Variants in KRT86 observed in about 807,000 individuals in gnomAD.
KRT86 encodes the protein keratin 86, also known as keratin, type II cuticular Hb6.
Under a neutral mutation model 41.2 loss-of-function variants are expected in KRT86, and 30 were observed. The ratio of observed to expected loss-of-function variants is 0.73; its 90% CI spans 0.54 to 0.99. The LOEUF is 0.99. Among genes scored for constraint, KRT86 ranks in the 50% least tolerant of loss-of-function variants. The pLI is 0.00. For missense variants in KRT86, 561 were observed against 571.4 expected (o/e 0.98, Z 0.19); for synonymous variants, 238 against 238.1 (o/e 1.00, Z 0.00).
At chr12:52,293,435 T>G (rs147905248) in intron 2 of KRT86, among the ~76,000 whole-genome samples, 1 of 152,316 alleles carries the variant, frequency 6.6e-6, no homozygotes, top group East Asian at 1.9e-4. Context: ...TCCTAATCTT[T>G]GGATAAGTTC....
In KRT86 at chr12:52,308,824, G is replaced by T. The variant is rs1044474439; in HGVS notation, c.*239G>T. 1.8e-6 allele frequency: 1 copy of T among 567,490 alleles called. No individual in the cohort carries two copies. Among genetic ancestry groups the T allele is most frequent in the South Asian group, 2.1e-5 (1 of 47,434 alleles). 35.2% of individuals were successfully genotyped at this position (567,490 alleles called of 1,614,324 possible). The stretch of plus-strand genomic sequence containing the variant: ...TTCCTGGTAGTCAATTTGTTGTCCC[G>T]AGGATTCATCTTTTTCTTCCGCCTG... On this transcript the variant is annotated 3_prime_UTR_variant, in exon 11 of 11. Coordinates refer to ENST00000423955, the MANE Select transcript of KRT86 (RefSeq NM_001320198.2).
intron 9 of KRT86, 89 bp from the exon 10 acceptor site, chr12:52,308,144 T>C (rs1326081360): frequency 1.9e-6 from 3 of 1,569,986 alleles, no homozygotes; most frequent in African/African-American, 2.7e-5. Flanking sequence ...AGTGCCCAGA[T>C]GGAGGGCCAC....
intron 2 of KRT86, among the ~76,000 whole-genome samples, chr12:52,298,925 AC>A (rs143682703): frequency 0.014 from 2,193 of 152,252 alleles, 60 homozygotes; most frequent in African/African-American, 0.049. Context: ...AATATCCATC[AC>A]CTCAAACATT....
Position 52,302,046 on chromosome 12 carries a change from G to C in KRT86, c.130G>C (p.Gly44Arg). The C allele has an allele frequency of 6.2e-7, 1 of 1,607,844 alleles. No individual in the cohort carries two copies. Among genetic ancestry groups the C allele is most frequent in the Non-Finnish European group, 8.5e-7 (1 of 1,177,786 alleles). ...CTCCTGCTACCGCGGCCTCACCGGG[G>C]GCTTCGGCAGCCACAGCGTGTGCGG... ...GISCYRGLTGGFGSHSVCGGF... is the reference protein window; with the variant it reads ...GISCYRGLTGRFGSHSVCGGF... The change falls in exon 3 of 11, where the codon GGC (glycine) becomes CGC (arginine). Residue 44 changes from glycine to arginine, a missense_variant. By Grantham distance (125) the Gly-to-Arg change is moderately radical. Coordinates refer to ENST00000423955, the MANE Select transcript of KRT86 (RefSeq NM_001320198.2).
At chr12:52,286,585 T>C (rs1937945436) in intron 2 of KRT86, 1 of 1,368,060 alleles carries the variant, frequency 7.3e-7, no homozygotes, top group African/African-American at 1.4e-5. Flanking sequence ...AGCTCTGGTA[T>C]GAAAAGTCAG....
rs61914259 is a variant in KRT86, at chr12:52,305,249, G to A, written c.745G>A (p.Val249Ile). ...LRRLYEEEIR[V>I]LQSHISDTSV... ...CCCTCACCTCCTGCAGGAGATCCGC[G>A]TTCTCCAGTCCCACATCTCAGACAC... The change falls in exon 7 of 11, where the codon GTT (valine) becomes ATT (isoleucine). Residue 249 changes from valine to isoleucine, a missense_variant. By Grantham distance (29) the Val-to-Ile change is conservative. This residue lies in a region of KRT86 where 397 missense variants were observed against 375.9 expected (regional missense o/e 1.06). Coordinates refer to ENST00000423955, the MANE Select transcript of KRT86 (RefSeq NM_001320198.2). 733 of 1,607,396 alleles carry A rather than the reference G, an allele frequency of 4.6e-4. 1 individual carries two copies. The highest frequency in any genetic ancestry group is 1.2e-3 in the East Asian group (53 of 44,744).
chr12:52,299,737 C>A (rs1369152043), intron 2 of KRT86, among the ~76,000 whole-genome samples: 2 of 152,142 alleles, frequency 1.3e-5, no homozygotes, highest in Non-Finnish European at 2.9e-5. Context: ...ATGTATATGT[C>A]TTCTTTTGAG....
chr12:52,288,742 C>G (rs1938049961), intron 2 of KRT86, among the ~76,000 whole-genome samples: 1 of 152,108 alleles, frequency 6.6e-6, no homozygotes, highest in Non-Finnish European at 1.5e-5. Flanking sequence ...CAGACTGACC[C>G]CCCAGCTCTC....
At chr12:52,282,215 G>A (rs10876260) in intron 2 of KRT86, among the ~76,000 whole-genome samples, 39,885 of 151,106 alleles carry the variant, frequency 0.26, 5,967 homozygotes, top group East Asian at 0.39. Flanking sequence ...TCTTTAGAAG[G>A]TTTTTGAGCC....
intron 2 of KRT86, among the ~76,000 whole-genome samples, chr12:52,292,764 A>C (rs111822836): frequency 8.1e-4 from 123 of 152,264 alleles, no homozygotes; most frequent in African/African-American, 2.7e-3. Context: ...CATTGTTGGG[A>C]CAGAATACTT....
chr12:52,276,212 G>A lies in KRT86; in HGVS notation c.-5+266G>A, dbSNP rs571000624. On this transcript the variant is annotated intron_variant, in intron 2 of 10. Coordinates refer to ENST00000423955, the MANE Select transcript of KRT86 (RefSeq NM_001320198.2). ...TGTACATTATTATCTTTTTACTTGT[G>A]TATGTTCATTTTTATGTCTGTGTTT... 5.3e-4 allele frequency among the ~76,000 whole-genome samples: 81 copies of A among 152,208 alleles called. 1 individual carries two copies. Among genetic ancestry groups the A allele is most frequent in the African/African-American group, 1.6e-3 (68 of 41,520 alleles).
Position 52,306,924 on chromosome 12 carries a change from G to A in KRT86, c.1247+644G>A, listed in dbSNP as rs536694199. ...AGCCTTCCTATGGCTGGAGGCCAGC[G>A]ATACAGCTGGAGGGCAGCTATACAG... On this transcript the variant is annotated intron_variant, in intron 9 of 10. Transcript: ENST00000423955. 1.8e-4 allele frequency: 29 copies of A among 158,512 alleles called. No individual in the cohort carries two copies. In the South Asian group the frequency reaches 4.9e-3, roughly 27 times the overall value. The allele number at this position is 158,512 out of a possible 1,614,324, so 9.8% of individuals were successfully genotyped here.
At chr12:52,304,558 G>A (rs2121306802) in intron 5 of KRT86, among the ~76,000 whole-genome samples, 1 of 152,058 alleles carries the variant, frequency 6.6e-6, no homozygotes, top group South Asian at 2.1e-4. Context: ...CAGGTTCTAA[G>A]GGGGGATGGA....
intron 2 of KRT86, among the ~76,000 whole-genome samples, chr12:52,299,469 G>A (rs928471151): frequency 6.6e-6 from 1 of 152,150 alleles, no homozygotes; most frequent in African/African-American, 2.4e-5. Flanking sequence ...CCTAGTAGTG[G>A]GATTGCTGGA....
rs532791119 is a variant in KRT86, at chr12:52,304,567, G to A, written c.640-365G>A. Among the ~76,000 whole-genome samples, 10 of 152,070 alleles carry A rather than the reference G, an allele frequency of 6.6e-5. No individual in the cohort carries two copies. In the South Asian group the frequency reaches 2.1e-3, roughly 32 times the overall value. The stretch of plus-strand genomic sequence containing the variant: ...CAATCCCAGGTTCTAAGGGGGGATG[G>A]AGAAGAACCAGGAGTAGCCCTTGGG... On this transcript the variant is annotated intron_variant, in intron 5 of 10. Transcript: ENST00000423955.
chr12:52,308,205 A>G (rs1194167645), intron 9 of KRT86, 28 bp from the exon 10 acceptor site: 2 of 1,613,996 alleles, frequency 1.2e-6, no homozygotes, highest in South Asian at 1.1e-5. Context: ...TTTCCGCGGC[A>G]CTGACCTCTC....
chr12:52,279,840 A>G (rs1264800133), intron 2 of KRT86, among the ~76,000 whole-genome samples: 2 of 152,106 alleles, frequency 1.3e-5, no homozygotes, highest in African/African-American at 2.4e-5. Flanking sequence ...TTCTCCATCC[A>G]TCCATTCACT....
intron 7 of KRT86, 126 bp from the exon 8 acceptor site, chr12:52,305,537 G>C: frequency 1.3e-6 from 2 of 1,598,594 alleles, no homozygotes; most frequent in Admixed American, 3.5e-5. Context: ...TGTTGGGGTG[G>C]TAGGGCAGGA....
intron 2 of KRT86, among the ~76,000 whole-genome samples, chr12:52,288,659 C>G (rs1432890370): frequency 1.3e-5 from 2 of 152,084 alleles, no homozygotes; most frequent in Non-Finnish European, 1.5e-5. Flanking sequence ...CTTGACCATG[C>G]CTCACCAGCC....
Sources: gnomAD v4.1 joint callset for allele counts (sites outside exome capture counted in the v4.1 genomes callset) on GRCh38, gnomAD v4.1.1 for gene constraint, gnomAD v4.1.1 regional missense constraint, MANE v1.5 for transcripts, NCBI Gene and HGNC (gene_info 2026-07-23, HGNC 2026-07-21) for gene names.